Variants in MRPS27 observed in about 807,000 individuals in gnomAD.
MRPS27 encodes mitochondrial ribosomal protein S27, also known as small ribosomal subunit protein mS27.
In MRPS27, 43 loss-of-function variants were observed where a neutral mutation model predicts 48.9. That is an observed-to-expected ratio of 0.88 (90% CI 0.69 to 1.13). The LOEUF (loss-of-function observed/expected upper bound fraction) is 1.13, where lower values mean the gene tolerates loss of function less well. MRPS27 is among the 50% of genes most tolerant of loss of function. The pLI, the probability that MRPS27 is intolerant of heterozygous loss-of-function variation, is 0.00. For synonymous variants in MRPS27, 188 were observed against 171.9 expected, an observed-to-expected ratio of 1.09 and a Z score of -0.73; for missense variants, 467 against 476.3, an observed-to-expected ratio of 0.98 and a Z score of 0.18.
intron 10 of MRPS27, among the ~76,000 whole-genome samples, chr5:72,221,651 C>A (rs537448344): frequency 1.3e-5 from 2 of 152,210 alleles, no homozygotes; most frequent in African/African-American, 2.4e-5. Flanking sequence ...GGAGCAAGCC[C>A]AACCATACAT....
At chr5:72,273,746 GT>G in intron 4 of MRPS27, among the ~76,000 whole-genome samples, 1 of 152,304 alleles carries the variant, frequency 6.6e-6, no homozygotes, top group Non-Finnish European at 1.5e-5. Context: ...GGGTGAGTCA[GT>G]AAGCAAGCAG....
chr5:72,299,571 A>G (rs944340467), intron 2 of MRPS27, among the ~76,000 whole-genome samples: 3 of 152,230 alleles, frequency 2.0e-5, no homozygotes, highest in Non-Finnish European at 2.9e-5. Context: ...AAATTTATCA[A>G]GTGACTTTTA....
At chr5:72,224,182 G>A (rs1325144949) in intron 9 of MRPS27, among the ~76,000 whole-genome samples, 1 of 150,848 alleles carries the variant, frequency 6.6e-6, no homozygotes, top group Non-Finnish European at 1.5e-5. Flanking sequence ...GGGCAACACA[G>A]GGAGACTCCA....
intron 9 of MRPS27, among the ~76,000 whole-genome samples, chr5:72,225,616 C>A (rs1160720792): frequency 6.6e-6 from 1 of 152,194 alleles, no homozygotes; most frequent in East Asian, 1.9e-4. Flanking sequence ...ATCACACATT[C>A]ACACAGAATG....
chr5:72,228,775 T>C (rs1380533965), intron 7 of MRPS27: 1 of 158,840 alleles, frequency 6.3e-6, no homozygotes, highest in Non-Finnish European at 1.4e-5. Flanking sequence ...CAGTCACTCA[T>C]ACTGCTGTGG....
At chr5:72,266,256 C>T (rs1749105190) in intron 4 of MRPS27, among the ~76,000 whole-genome samples, 1 of 152,156 alleles carries the variant, frequency 6.6e-6, no homozygotes, top group African/African-American at 2.4e-5. Flanking sequence ...TCTCAAAGGC[C>T]TCCTTCTCTG....
chr5:72,289,230 A>G (rs1442986261), intron 4 of MRPS27, among the ~76,000 whole-genome samples: 1 of 152,188 alleles, frequency 6.6e-6, no homozygotes, highest in Non-Finnish European at 1.5e-5. Context: ...TTGGCAGTAC[A>G]CAGCTTGCCA....
At chr5:72,269,767 A>C (rs1237344809) in intron 4 of MRPS27, among the ~76,000 whole-genome samples, 1 of 152,248 alleles carries the variant, frequency 6.6e-6, no homozygotes, top group African/African-American at 2.4e-5. Flanking sequence ...CTCCAGATGA[A>C]TATCTAGGTG....
intron 4 of MRPS27, among the ~76,000 whole-genome samples, chr5:72,260,602 C>G (rs1470107006): frequency 6.6e-6 from 1 of 152,040 alleles, no homozygotes; most frequent in Non-Finnish European, 1.5e-5. Context: ...CTTATCCTAC[C>G]AATTCTGTTT....
chr5:72,270,056 G>A (rs1356042548), intron 4 of MRPS27, among the ~76,000 whole-genome samples: 3 of 151,752 alleles, frequency 2.0e-5, no homozygotes, highest in Admixed American at 1.3e-4. Flanking sequence ...AGCCAGGCAT[G>A]GCGTCACATG....
intron 6 of MRPS27, 67 bp from the exon 7 acceptor site, chr5:72,232,625 A>G: frequency 9.1e-7 from 1 of 1,102,338 alleles, no homozygotes; most frequent in South Asian, 1.4e-5. Flanking sequence ...ATCTCTATTT[A>G]ACTATAAACA....
At chr5:72,228,473 T>C (rs992289576) in intron 7 of MRPS27, 105 bp from the exon 8 acceptor site, 10 of 729,906 alleles carry the variant, frequency 1.4e-5, no homozygotes, top group Non-Finnish European at 2.3e-5. Flanking sequence ...TAGCATTAAG[T>C]AAACAAAGAA....
rs1266514581 is a variant in MRPS27, at chr5:72,219,466, T to C, written c.*1443A>G. ...GTTTAAAGTACACTCCTCAAAATCA[T>C]AGTAACAATAATGAGTCCCTCTCCC... On this transcript the variant is annotated 3_prime_UTR_variant, in exon 11 of 11. Coordinates refer to ENST00000261413, the MANE Select transcript of MRPS27 (RefSeq NM_015084.3). 2 of 152,164 alleles carry C rather than the reference T, an allele frequency of 1.3e-5. No individual in the cohort carries two copies. Among genetic ancestry groups the C allele is most frequent in the African/African-American group, 2.4e-5 (1 of 41,430 alleles). The allele number at this position is 152,164 out of a possible 1,614,324, so 9.4% of individuals were successfully genotyped here.
intron 4 of MRPS27, among the ~76,000 whole-genome samples, chr5:72,286,874 A>C (rs1405684108): frequency 6.6e-6 from 1 of 152,122 alleles, no homozygotes; most frequent in Non-Finnish European, 1.5e-5. Flanking sequence ...CTAATTATAA[A>C]ACCTAAAACT....
chr5:72,253,109 G>A (rs891000924), intron 4 of MRPS27, among the ~76,000 whole-genome samples: 1 of 152,146 alleles, frequency 6.6e-6, no homozygotes, highest in African/African-American at 2.4e-5. Flanking sequence ...GCTTTCTGGG[G>A]TCCTATGGTT....
At chr5:72,295,343 TA>T in intron 4 of MRPS27, 187 bp downstream of exon 4, 1 of 516,624 alleles carries the variant, frequency 1.9e-6, no homozygotes. Context: ...CTGGTTTAAA[TA>T]ATAAACTCAC....
At chr5:72,229,715 T>C (rs1748003006) in intron 7 of MRPS27, among the ~76,000 whole-genome samples, 1 of 152,098 alleles carries the variant, frequency 6.6e-6, no homozygotes, top group Non-Finnish European at 1.5e-5. Flanking sequence ...GTGACTGGGA[T>C]GGTTATACTT....
intron 4 of MRPS27, among the ~76,000 whole-genome samples, chr5:72,271,674 T>C (rs1227014847): frequency 1.3e-5 from 2 of 152,254 alleles, no homozygotes; most frequent in Non-Finnish European, 2.9e-5. Flanking sequence ...GACTGTATTA[T>C]AGTATTGTAA....
chr5:72,251,015 A>G (rs1748651466), intron 4 of MRPS27, among the ~76,000 whole-genome samples: 1 of 152,336 alleles, frequency 6.6e-6, no homozygotes, highest in African/African-American at 2.4e-5. Context: ...GAGATAAAAC[A>G]TGTAAAATTA....
Sources: allele counts gnomAD v4.1 joint callset (sites outside exome capture counted in the v4.1 genomes callset), GRCh38; gene constraint gnomAD v4.1.1; transcripts MANE v1.5; gene names NCBI Gene and HGNC (gene_info 2026-07-23, HGNC 2026-07-21).